The following TCF7L1 variants were observed in gnomAD, a reference collection of about 807,000 sequenced individuals.
TCF7L1 encodes the protein transcription factor 7 like 1.
In TCF7L1, 18 loss-of-function variants were observed where a neutral mutation model predicts 63.7. The observed-to-expected ratio is 0.28, with a 90% CI of 0.20 to 0.42. TCF7L1 has a LOEUF of 0.42. TCF7L1 is among the 10% of genes least tolerant of loss of function. TCF7L1 has a pLI of 1.00. For missense variants in TCF7L1, 654 were observed against 779.3 expected (o/e 0.84, Z 1.91); for synonymous variants, 355 against 340.9 (o/e 1.04, Z -0.46).
At chr2:85,143,774 AG>A (rs1377406774) in intron 3 of TCF7L1, among the ~76,000 whole-genome samples, 1 of 152,198 alleles carries the variant, frequency 6.6e-6, no homozygotes, top group Non-Finnish European at 1.5e-5. Context: ...TCCTGGTGTG[AG>A]TTATCAGCTG....
rs989168305 is a variant in TCF7L1 at position 85,265,833 on chromosome 2, A to C, written c.442-17662A>C. Reference sequence around the variant, plus strand: ...TTAAAAAGTGATTCCCATTGCATATATTTGCATTTACCTTTTAAAATCAAT... The same window carrying C: ...TTAAAAAGTGATTCCCATTGCATATCTTTGCATTTACCTTTTAAAATCAAT... On this transcript the variant is annotated intron_variant, in intron 3 of 11. Coordinates refer to ENST00000282111, the MANE Select transcript of TCF7L1 (RefSeq NM_031283.3). Among the ~76,000 whole-genome samples, 24 of 151,666 alleles carry C rather than the reference A, an allele frequency of 1.6e-4. 1 individual carries two copies. In the South Asian group the frequency reaches 5.0e-3, roughly 32 times the overall value.
intron 3 of TCF7L1, among the ~76,000 whole-genome samples, chr2:85,191,649 ACT>A (rs1015805107): frequency 6.6e-6 from 1 of 151,842 alleles, no homozygotes; most frequent in African/African-American, 2.4e-5. Context: ...ACGTGGTGAA[ACT>A]CTGTCTCTAC....
At chr2:85,180,473 A>G (rs1678779175) in intron 3 of TCF7L1, among the ~76,000 whole-genome samples, 1 of 152,004 alleles carries the variant, frequency 6.6e-6, no homozygotes, top group Non-Finnish European at 1.5e-5. Flanking sequence ...TACACCCCGC[A>G]CATTATCATA....
At chr2:85,145,891 A>G (rs1016442669) in intron 3 of TCF7L1, among the ~76,000 whole-genome samples, 1 of 152,140 alleles carries the variant, frequency 6.6e-6, no homozygotes, top group East Asian at 1.9e-4. Flanking sequence ...TTTAAAAAAA[A>G]ATAGAGACAG....
intron 3 of TCF7L1, among the ~76,000 whole-genome samples, chr2:85,196,136 G>A (rs191813008): frequency 2.0e-5 from 3 of 152,296 alleles, no homozygotes; most frequent in Admixed American, 1.3e-4. Context: ...TGAACCCTGC[G>A]TCCTGCCAGG....
At chr2:85,244,676 T>C (rs1035753707) in intron 3 of TCF7L1, among the ~76,000 whole-genome samples, 1 of 150,878 alleles carries the variant, frequency 6.6e-6, no homozygotes, top group African/African-American at 2.4e-5. Context: ...GTGGGGAGAG[T>C]GATAGGTGGG....
At chr2:85,157,579 G>T (rs570235563) in intron 3 of TCF7L1, among the ~76,000 whole-genome samples, 1 of 152,316 alleles carries the variant, frequency 6.6e-6, no homozygotes, top group South Asian at 2.1e-4. Flanking sequence ...GTAAGCCTGA[G>T]GGACAAGGCA....
chr2:85,279,951 A>T (rs535546065), intron 3 of TCF7L1, among the ~76,000 whole-genome samples: 8 of 152,380 alleles, frequency 5.3e-5, no homozygotes, highest in Non-Finnish European at 7.3e-5. Context: ...ACTTCTTGTT[A>T]CATAGATAAA....
At chr2:85,172,089 G>A (rs1417881608) in intron 3 of TCF7L1, among the ~76,000 whole-genome samples, 1 of 152,102 alleles carries the variant, frequency 6.6e-6, no homozygotes, top group Non-Finnish European at 1.5e-5. Flanking sequence ...TGTCCTTGAT[G>A]TTGCCACCAG....
At chr2:85,257,632 C>T (rs1680749494) in intron 3 of TCF7L1, among the ~76,000 whole-genome samples, 1 of 152,224 alleles carries the variant, frequency 6.6e-6, no homozygotes, top group Non-Finnish European at 1.5e-5. Flanking sequence ...CTGCTGGCCA[C>T]ACATGCCCAC....
chr2:85,174,275 T>C (rs892648997), intron 3 of TCF7L1, among the ~76,000 whole-genome samples: 4 of 152,166 alleles, frequency 2.6e-5, no homozygotes, highest in African/African-American at 9.7e-5. Flanking sequence ...TAGCCTGGTG[T>C]TTTCAAGGTT....
At chr2:85,250,763 C>G (rs374366855) in intron 3 of TCF7L1, among the ~76,000 whole-genome samples, 282 of 152,254 alleles carry the variant, frequency 1.9e-3, no homozygotes, top group African/African-American at 6.4e-3. Context: ...ATAAGCCTGG[C>G]TAGCTTTGTA....
chr2:85,229,060 C>A (rs1481510400), intron 3 of TCF7L1, among the ~76,000 whole-genome samples: 1 of 147,112 alleles, frequency 6.8e-6, no homozygotes, highest in Non-Finnish European at 1.5e-5. Flanking sequence ...GAAATTAGAA[C>A]CTTGGGCCAG....
intron 4 of TCF7L1, among the ~76,000 whole-genome samples, chr2:85,285,216 GA>G (rs1681517781): frequency 6.6e-6 from 1 of 151,808 alleles, no homozygotes. Flanking sequence ...CTGGGTGACA[GA>G]GCGAGACTCT....
At chr2:85,178,759 A>G (rs1678734189) in intron 3 of TCF7L1, among the ~76,000 whole-genome samples, 1 of 152,120 alleles carries the variant, frequency 6.6e-6, no homozygotes, top group South Asian at 2.1e-4. Context: ...GTTGCCACCC[A>G]TCCTGTCTGA....
chr2:85,193,185 T>C (rs1294966364), intron 3 of TCF7L1, among the ~76,000 whole-genome samples: 1 of 152,128 alleles, frequency 6.6e-6, no homozygotes, highest in Non-Finnish European at 1.5e-5. Flanking sequence ...CCTTTTATTC[T>C]CGTGGGTGAT....
intron 3 of TCF7L1, among the ~76,000 whole-genome samples, chr2:85,205,610 C>T (rs143948797): frequency 8.6e-5 from 13 of 151,838 alleles, no homozygotes; most frequent in African/African-American, 3.1e-4. Context: ...TGGCTCGCTG[C>T]AGCCTCTGCC....
At chr2:85,179,675 AC>A in intron 3 of TCF7L1, among the ~76,000 whole-genome samples, 1 of 152,062 alleles carries the variant, frequency 6.6e-6, no homozygotes, top group East Asian at 1.9e-4. Flanking sequence ...ACCCTCCGTT[AC>A]CTGCTGCTAT....
At chr2:85,166,187 C>T (rs952142552) in intron 3 of TCF7L1, among the ~76,000 whole-genome samples, 17 of 152,218 alleles carry the variant, frequency 1.1e-4, no homozygotes, top group African/African-American at 3.9e-4. Flanking sequence ...AGAGATTTGA[C>T]TGTAGGGCTG....
Sources: gnomAD v4.1 joint callset for allele counts (sites outside exome capture counted in the v4.1 genomes callset) on GRCh38, gnomAD v4.1.1 for gene constraint, MANE v1.5 for transcripts, NCBI Gene and HGNC (gene_info 2026-07-23, HGNC 2026-07-21) for gene names.